The following TNNI3K variants were observed in gnomAD, a reference collection of about 807,000 sequenced individuals.
TNNI3K encodes the protein serine/threonine-protein kinase TNNI3K.
A neutral mutation model predicts 114.5 loss-of-function variants in TNNI3K; 140 were observed. That is an observed-to-expected ratio of 1.22 (90% CI 1.07 to 1.41). The LOEUF is 1.41. TNNI3K is among the 40% of genes most tolerant of loss of function. TNNI3K has a pLI of 0.00. For synonymous variants in TNNI3K, 347 were observed against 347.5 expected, an observed-to-expected ratio of 1.00 and a Z score of 0.02; for missense variants, 1,125 against 1,007.6, an observed-to-expected ratio of 1.12 and a Z score of -1.58.
intron 23 of TNNI3K, among the ~76,000 whole-genome samples, chr1:74,500,501 G>A (rs1265264151): frequency 6.7e-6 from 1 of 150,374 alleles, no homozygotes; most frequent in African/African-American, 2.4e-5. Flanking sequence ...CTACTTGGGA[G>A]GCTGAGGCAG....
intron 17 of TNNI3K, among the ~76,000 whole-genome samples, chr1:74,383,870 A>T (rs1351168342): frequency 6.6e-6 from 1 of 152,126 alleles, no homozygotes; most frequent in Non-Finnish European, 1.5e-5. Flanking sequence ...TGAATACATA[A>T]TGACAGAAAA....
Position 74,399,509 on chromosome 1 carries a change from T to A in TNNI3K, c.1772+29117T>A, listed in dbSNP as rs190288145. ...TCAAAAAGAAGACAAGCTCCACCCA[T>A]GCTGGGAAGGTCCCTTTCAAGTGCT... is the stretch of plus-strand genomic sequence containing the variant. On this transcript the variant is annotated intron_variant, in intron 17 of 24. Coordinates refer to ENST00000326637, the MANE Select transcript of TNNI3K (RefSeq NM_015978.3). Among the ~76,000 whole-genome samples, 121 of 151,798 alleles carry A rather than the reference T, an allele frequency of 8.0e-4. 1 individual carries two copies. The highest frequency in any genetic ancestry group is 2.1e-4 in the Non-Finnish European group (14 of 67,968).
At chr1:74,299,045 AC>A (rs1448241237) in intron 5 of TNNI3K, among the ~76,000 whole-genome samples, 1 of 152,102 alleles carries the variant, frequency 6.6e-6, no homozygotes, top group Non-Finnish European at 1.5e-5. Flanking sequence ...TTAAATTAAG[AC>A]TTGATATTCT....
intron 20 of TNNI3K, among the ~76,000 whole-genome samples, chr1:74,458,895 A>C (rs2100713258): frequency 6.6e-6 from 1 of 152,212 alleles, no homozygotes; most frequent in African/African-American, 2.4e-5. Flanking sequence ...TAGTTTTTCA[A>C]CTTGCCCCTC....
intron 20 of TNNI3K, among the ~76,000 whole-genome samples, chr1:74,443,152 T>G (rs1420858965): frequency 6.6e-6 from 1 of 151,252 alleles, no homozygotes; most frequent in Admixed American, 6.6e-5. Context: ...AGAAAAGAAA[T>G]AACCTACATC....
chr1:74,236,219 G>T lies in TNNI3K; in HGVS notation c.149+9G>T, dbSNP rs200192647. 6.3e-7 allele frequency: 1 copy of T among 1,596,104 alleles called. No individual in the cohort carries two copies. Among genetic ancestry groups the T allele is most frequent in the South Asian group, 1.1e-5 (1 of 89,204 alleles). On this transcript the variant is annotated intron_variant, in intron 2 of 24. Coordinates refer to ENST00000326637, the MANE Select transcript of TNNI3K (RefSeq NM_015978.3). ...CTAAGGAATATATTTGGGTAAAGTT[G>T]TAAGAGTCATTATTTCTTTGTATAA...
At chr1:74,354,472 G>C (rs1661553380) in intron 11 of TNNI3K, among the ~76,000 whole-genome samples, 1 of 149,914 alleles carries the variant, frequency 6.7e-6, no homozygotes. Context: ...TTTTCATGTG[G>C]TTTCAAATTT....
At chr1:74,253,611 C>T (rs905669340) in intron 4 of TNNI3K, among the ~76,000 whole-genome samples, 3 of 152,108 alleles carry the variant, frequency 2.0e-5, no homozygotes, top group African/African-American at 2.4e-5. Flanking sequence ...TGCCCGGAGC[C>T]GGCAGGACTG....
At chr1:74,247,706 T>C (rs568113158) in intron 2 of TNNI3K, among the ~76,000 whole-genome samples, 13 of 151,234 alleles carry the variant, frequency 8.6e-5, no homozygotes, top group Non-Finnish European at 1.8e-4. Context: ...ATTAGCTAGA[T>C]ACAGAGTGCT....
intron 17 of TNNI3K, among the ~76,000 whole-genome samples, chr1:74,403,158 AAAGTGACCCATAAT>A (rs1441534684): frequency 6.6e-6 from 1 of 152,182 alleles, no homozygotes; most frequent in Non-Finnish European, 1.5e-5. Context: ...CCAAAGAGAA[AAAGTGACCCATAAT>A]TCTGGAGTCA....
At chr1:74,310,715 T>C (rs1446139979) in intron 5 of TNNI3K, among the ~76,000 whole-genome samples, 1 of 152,126 alleles carries the variant, frequency 6.6e-6, no homozygotes, top group Non-Finnish European at 1.5e-5. Flanking sequence ...AGTTGTCAGG[T>C]GGGTATTCCT....
At position 74,369,446 on chromosome 1, in the gene TNNI3K, G is replaced by A; in HGVS notation, c.1528G>A (p.Val510Met). The change falls in exon 16 of 25, where the codon GTG becomes ATG. Residue 510 changes from valine (V) to methionine (M), a missense_variant. Val to Met is a conservative substitution (Grantham distance 21). Transcript: ENST00000326637. ...KSDVDMFCRE[V>M]SILCQLNHPC... Reference sequence around the variant, plus strand: ...AGATGTGGATATGTTTTGCCGAGAGGTGTCCATTCTCTGCCAGCTCAATCA... The same window carrying A: ...AGATGTGGATATGTTTTGCCGAGAGATGTCCATTCTCTGCCAGCTCAATCA... 1 of 1,612,506 alleles carries A rather than the reference G, an allele frequency of 6.2e-7. No homozygotes were observed. The highest frequency in any genetic ancestry group is 1.3e-5 in the African/African-American group (1 of 74,872).
intron 23 of TNNI3K, among the ~76,000 whole-genome samples, chr1:74,498,727 TC>T (rs1164576286): frequency 2.0e-5 from 3 of 151,936 alleles, no homozygotes; most frequent in African/African-American, 7.3e-5. Flanking sequence ...TTTCCAGTCT[TC>T]CCCCCGACTA....
rs201977909 is a variant in TNNI3K, at chr1:74,544,020, G to C, written c.*38G>C. On this transcript the variant is annotated 3_prime_UTR_variant, in exon 25 of 25. Coordinates refer to ENST00000326637, the MANE Select transcript of TNNI3K (RefSeq NM_015978.3). ...TATACCTAAGGAGAGTTTTTTCCCC[G>C]AACTGACAGCAACGATTCCAACCAC... The C allele has an allele frequency of 1.9e-6, 3 of 1,592,544 alleles. No individual in the cohort carries two copies. The highest frequency in any genetic ancestry group is 2.3e-5 in the East Asian group (1 of 43,672).
At chr1:74,416,188 A>G (rs889218292) in intron 17 of TNNI3K, 1 of 593,944 alleles carries the variant, frequency 1.7e-6, no homozygotes, top group Non-Finnish European at 2.1e-6. Context: ...TTGCTTTGGC[A>G]TGAAGCATAG....
rs1660823711 is a variant in TNNI3K at position 74,342,976 on chromosome 1, C to A, written c.817C>A (p.Pro273Thr). 6.2e-7 allele frequency: 1 copy of A among 1,613,674 alleles called. No homozygotes were observed. Among genetic ancestry groups the A allele is most frequent in the African/African-American group, 1.3e-5 (1 of 74,876 alleles). The change falls in exon 8 of 25, where the codon CCC (proline) becomes ACC (threonine). Residue 273 changes from proline to threonine, a missense_variant. Coordinates refer to ENST00000326637, the MANE Select transcript of TNNI3K (RefSeq NM_015978.3). ...TGTTGTTAATATCTATGGAGATACCCCCTTACACCTGTGAGTATTATGTAG... is the reference window on the plus strand; with the variant it reads ...TGTTGTTAATATCTATGGAGATACCACCTTACACCTGTGAGTATTATGTAG... ...PHVVNIYGDT[P>T]LHLACYNGKF...
chr1:74,352,167 T>C (rs1661388605), intron 9 of TNNI3K, among the ~76,000 whole-genome samples: 1 of 152,236 alleles, frequency 6.6e-6, no homozygotes, highest in Admixed American at 6.5e-5. Context: ...CCTTTCTGTT[T>C]GTTAGTTTTC....
intron 23 of TNNI3K, among the ~76,000 whole-genome samples, chr1:74,518,873 C>CTTTTTTTT (rs1646388103): frequency 3.3e-4 from 33 of 100,330 alleles, no homozygotes; most frequent in Non-Finnish European, 4.3e-4. Flanking sequence ...TTTTTTTTCC[C>CTTTTTTTT]CTTTTTTTTT....
chr1:74,431,685 G>A (rs543840149), intron 17 of TNNI3K, among the ~76,000 whole-genome samples: 1 of 152,196 alleles, frequency 6.6e-6, no homozygotes, highest in East Asian at 1.9e-4. Context: ...ATTAGTAAAT[G>A]CGCTTCTAGC....
Sources: gnomAD v4.1 joint callset for allele counts (sites outside exome capture counted in the v4.1 genomes callset) on GRCh38, gnomAD v4.1.1 for gene constraint, MANE v1.5 for transcripts, NCBI Gene and HGNC (gene_info 2026-07-23, HGNC 2026-07-21) for gene names.